The following UGT2B17 variants were observed in gnomAD, a reference collection of about 807,000 sequenced individuals.
UGT2B17 encodes UDP glucuronosyltransferase family 2 member B17.
Under a neutral mutation model 48.2 loss-of-function variants are expected in UGT2B17, and 21 were observed. That is an observed-to-expected ratio of 0.44 (90% CI 0.31 to 0.63). The LOEUF is 0.63. Among genes scored for constraint, UGT2B17 ranks in the 20% least tolerant of loss-of-function variants. The pLI, the probability that UGT2B17 is intolerant of heterozygous loss-of-function variation, is 0.08. For missense variants in UGT2B17, 402 were observed against 696.1 expected, an observed-to-expected ratio of 0.58 and a Z score of 4.75; for synonymous variants, 146 against 238.4, an observed-to-expected ratio of 0.61 and a Z score of 3.57.
At chr4:68,559,561 A>G (rs922533335) in intron 4 of UGT2B17, among the ~76,000 whole-genome samples, 1 of 126,296 alleles carries the variant, frequency 7.9e-6, no homozygotes. Context: ...AGAATTTACA[A>G]GTGTTGTCCT....
At chr4:68,551,697 T>C in intron 5 of UGT2B17, 127 bp downstream of exon 5, 6 of 649,610 alleles carry the variant, frequency 9.2e-6, no homozygotes, top group Non-Finnish European at 1.3e-5. Context: ...AAATATAAAG[T>C]AGTTAAATTT....
intron 3 of UGT2B17, among the ~76,000 whole-genome samples, chr4:68,562,126 T>C: frequency 8.0e-6 from 1 of 125,064 alleles, no homozygotes; most frequent in Non-Finnish European, 1.7e-5. Flanking sequence ...ATTTATTTAT[T>C]TATTTTTGAG....
chr4:68,569,568 A>T (rs1350373924), intron 1 of UGT2B17, among the ~76,000 whole-genome samples: 2 of 124,664 alleles, frequency 1.6e-5, no homozygotes, highest in African/African-American at 5.5e-5. Flanking sequence ...TGGGGCCTGA[A>T]AGCTTGAAGG....
chr4:68,568,091 C>A lies in UGT2B17; in HGVS notation c.394G>T (p.Val132Phe). ...DYNIKLCEDA[V>F]LNKKLMRKLQ... The stretch of plus-strand genomic sequence containing the variant: ...TTTCTCATAAGTTTCTTGTTCAAAA[C>A]TGCATCTTCACAGAGCTTTATATTA... Residue 132 changes from valine to phenylalanine, a missense_variant, in exon 2 of 7, where the codon GTT (valine) becomes TTT (phenylalanine). Coordinates refer to ENST00000317746, the MANE Select transcript of UGT2B17 (RefSeq NM_001077.4). The A allele has an allele frequency of 7.2e-7, 1 of 1,383,302 alleles. No individual in the cohort carries two copies. Among genetic ancestry groups the A allele is most frequent in the Non-Finnish European group, 9.5e-7 (1 of 1,055,552 alleles). 85.7% of individuals were successfully genotyped at this position (1,383,302 alleles called of 1,614,324 possible). A position where few individuals can be genotyped will look rare whatever the true frequency, so the allele number is the denominator to read the frequency against.
Position 68,565,711 on chromosome 4 carries a change from G to A in UGT2B17, c.734C>T (p.Thr245Ile). The change falls in exon 3 of 7, where the codon ACT becomes ATT. Residue 245 changes from threonine (T) to isoleucine (I), a missense_variant. Around this residue, in one of 5 missense-constraint regions of UGT2B17, gnomAD observed 106 missense variants for 169.8 expected, o/e 0.62. Coordinates refer to ENST00000317746, the MANE Select transcript of UGT2B17 (RefSeq NM_001077.4). ...TTTCCCCATTGTCTCAAATAATGTA[G>A]TGGGTCTTCCTGATGGAAAAAAACA... ...QFYSEVLGRP[T>I]TLFETMGKAE... is the part of the protein sequence containing the mutation. 1 of 1,344,546 alleles carries A rather than the reference G, an allele frequency of 7.4e-7. No homozygotes were observed. Among genetic ancestry groups the A allele is most frequent in the Non-Finnish European group, 9.6e-7 (1 of 1,038,646 alleles). 83.3% of individuals were successfully genotyped at this position (1,344,546 alleles called of 1,614,324 possible).
At chr4:68,547,089 G>A (rs1730827123) in intron 6 of UGT2B17, among the ~76,000 whole-genome samples, 2 of 114,232 alleles carry the variant, frequency 1.8e-5, no homozygotes, top group South Asian at 4.5e-4. Flanking sequence ...GAATTCATAT[G>A]GAACCAAAAA....
At position 68,568,061 on chromosome 4, in the gene UGT2B17, G is replaced by C; in HGVS notation, c.424C>G (p.Gln142Glu). Reference protein sequence around the residue: ...VLNKKLMRKLQESKFDVLLAD... With the variant: ...VLNKKLMRKLEESKFDVLLAD... ...AGAAGGACATCAAATTTTGACTCTT[G>C]TAGTTTTCTCATAAGTTTCTTGTTC... is the stretch of plus-strand genomic sequence containing the variant. The change falls in exon 2 of 7, where the codon CAA (glutamine) becomes GAA (glutamate). Residue 142 changes from glutamine (Q) to glutamate (E), a missense_variant. Gln to Glu is a conservative substitution (Grantham distance 29). Transcript: ENST00000317746. 1 of 1,382,824 alleles carries C rather than the reference G, an allele frequency of 7.2e-7. No homozygotes were observed. Among genetic ancestry groups the C allele is most frequent in the Non-Finnish European group, 9.5e-7 (1 of 1,055,414 alleles). The allele number at this position is 1,382,824 out of a possible 1,614,324, so 85.7% of individuals were successfully genotyped here.
At chr4:68,543,672 G>A (rs1730732014) in intron 6 of UGT2B17, among the ~76,000 whole-genome samples, 1 of 123,554 alleles carries the variant, frequency 8.1e-6, no homozygotes, top group Admixed American at 8.6e-5. Context: ...GGCAAAGAAG[G>A]TAAAAACCTT....
rs182251741 is a variant in UGT2B17, at chr4:68,574,579, C to G, written c.-65+1372G>C. 3.7e-3 allele frequency among the ~76,000 whole-genome samples: 466 copies of G among 126,748 alleles called. 117 individuals are homozygous for G. Among genetic ancestry groups the G allele is most frequent in the Middle Eastern group, 0.02 (5 of 252 alleles). The allele number at this position is 126,748 out of a possible 152,430, so 83.2% of individuals were successfully genotyped here. On this transcript the variant is annotated intron_variant, in intron 1 of 6. Coordinates refer to ENST00000317746, the MANE Select transcript of UGT2B17 (RefSeq NM_001077.4). ...ACACACAGAATTTTCTTTAAATTAA[C>G]ATTTTAAAACTTGCTTGAACTTTTC...
intron 4 of UGT2B17, among the ~76,000 whole-genome samples, chr4:68,559,207 A>T (rs181914075): frequency 0.011 from 1,327 of 125,436 alleles, 326 homozygotes; most frequent in Non-Finnish European, 0.014. Flanking sequence ...TGAATTTGAC[A>T]TCATTGATTA....
rs761229049 is a variant in UGT2B17, at chr4:68,568,378, C to T, written c.107G>A (p.Trp36Ter). The change falls in exon 2 of 7, where the codon TGG becomes TAG. Residue 36 changes from tryptophan (W) to a stop codon, truncating the protein, a stop_gained. Coordinates refer to ENST00000317746, the MANE Select transcript of UGT2B17 (RefSeq NM_001077.4). LOFTEE classifies it high-confidence loss of function. ...VLVWPTEYSH[W>*]INMKTILEEL... ...TTCCAGGATTGTCTTCATATTTATCCAATGGCTGTATTCTGTGGGCCACAC... is the reference window on the plus strand; with the variant it reads ...TTCCAGGATTGTCTTCATATTTATCTAATGGCTGTATTCTGTGGGCCACAC... The T allele has an allele frequency of 2.2e-6, 3 of 1,380,558 alleles. No homozygotes were observed. Among genetic ancestry groups the T allele is most frequent in the African/African-American group, 1.5e-5 (1 of 67,618 alleles). 85.5% of individuals were successfully genotyped at this position (1,380,558 alleles called of 1,614,324 possible).
chr4:68,546,822 C>A (rs1412552081), intron 6 of UGT2B17, among the ~76,000 whole-genome samples: 1 of 123,986 alleles, frequency 8.1e-6, no homozygotes, highest in African/African-American at 2.7e-5. Flanking sequence ...AACTCCCATT[C>A]ACAATTGCTT....
At chr4:68,572,597 A>G (rs10029892) in intron 1 of UGT2B17, among the ~76,000 whole-genome samples, 50,907 of 125,244 alleles carry the variant, frequency 0.41, 18,677 homozygotes, top group East Asian at 0.62. Context: ...TGATCATGGA[A>G]GGCAATTAGC....
rs1553921090 is a variant in UGT2B17, at chr4:68,574,946, T to TG, written c.-65+1004_-65+1005insC. Among the ~76,000 whole-genome samples the TG allele has an allele frequency of 2.9e-5, 2 of 68,538 alleles. 1 individual carries two copies. Among genetic ancestry groups the TG allele is most frequent in the Admixed American group, 2.8e-4 (2 of 7,226 alleles). 45.0% of individuals were successfully genotyped at this position (68,538 alleles called of 152,430 possible). ...CTCTTTTTACATAAATTTTACCTCC[T>TG]CCCCCCCCTTTTTTTTTTGAAGATA... On this transcript the variant is annotated intron_variant, in intron 1 of 6. Transcript: ENST00000317746.
chr4:68,546,601 C>T (rs1169007696), intron 6 of UGT2B17, among the ~76,000 whole-genome samples: 2 of 125,074 alleles, frequency 1.6e-5, no homozygotes, highest in South Asian at 3.8e-4. Context: ...TAAGGAAATA[C>T]AGGGTATTCA....
rs1731120536 is a variant in UGT2B17, at chr4:68,562,391, G to A, written c.874-1723C>T. Among the ~76,000 whole-genome samples the A allele has an allele frequency of 1.6e-5, 2 of 126,186 alleles. 1 individual carries two copies. Among genetic ancestry groups the A allele is most frequent in the Non-Finnish European group, 3.4e-5 (2 of 59,668 alleles). 82.8% of individuals were successfully genotyped at this position (126,186 alleles called of 152,430 possible). A position where few individuals can be genotyped will look rare whatever the true frequency, so the allele number is the denominator to read the frequency against. On this transcript the variant is annotated intron_variant, in intron 3 of 6. Coordinates refer to ENST00000317746, the MANE Select transcript of UGT2B17 (RefSeq NM_001077.4). ...GCCTCCCAAAGTGGTGGGATTACAG[G>A]CTTGAGCCACTGTGCCCGGTCTGAT...
chr4:68,564,273 C>CAT (rs199693880), intron 3 of UGT2B17, among the ~76,000 whole-genome samples: 961 of 93,364 alleles, frequency 0.01, 132 homozygotes, highest in African/African-American at 0.037. Context: ...TATCAAATTT[C>CAT]ATATATATAT....
At position 68,550,889 on chromosome 4, in the gene UGT2B17, G is replaced by T. The variant is rs1167718583; in HGVS notation, c.1101C>A (p.Pro367=). 7.3e-7 allele frequency: 1 copy of T among 1,369,090 alleles called. No individual in the cohort carries two copies. The highest frequency in any genetic ancestry group is 9.5e-7 in the Non-Finnish European group (1 of 1,050,276). The allele number at this position is 1,369,090 out of a possible 1,614,324, so 84.8% of individuals were successfully genotyped here. The change falls in exon 6 of 7, where the codon CCC becomes CCA. Residue 367 remains proline, a synonymous_variant. Coordinates refer to ENST00000317746, the MANE Select transcript of UGT2B17 (RefSeq NM_001077.4). The part of the protein sequence containing the change: ...WLPQNDLLGH[P]KTKAFITHGG... ...CATGAGTTATAAAAGCTTTGGTTTTGGGATGACCTAAAAGTGGATGCATTT... is the reference window on the plus strand; with the variant it reads ...CATGAGTTATAAAAGCTTTGGTTTTTGGATGACCTAAAAGTGGATGCATTT...
At chr4:68,553,589 C>A (rs1730952677) in intron 4 of UGT2B17, among the ~76,000 whole-genome samples, 2 of 124,964 alleles carry the variant, frequency 1.6e-5, no homozygotes, top group Admixed American at 8.2e-5. Flanking sequence ...TCGAGATTAC[C>A]ACAGATTACC....
Sources: gnomAD v4.1 joint callset for allele counts (sites outside exome capture counted in the v4.1 genomes callset) on GRCh38, gnomAD v4.1.1 for gene constraint, gnomAD v4.1.1 regional missense constraint, MANE v1.5 for transcripts, NCBI Gene and HGNC (gene_info 2026-07-23, HGNC 2026-07-21) for gene names.